CD109: variants seen among roughly 807,000 people sequenced by gnomAD.
CD109 encodes the protein CD109 molecule, also known as CD109 antigen.
A neutral mutation model predicts 165.8 loss-of-function variants in CD109; 149 were observed. The observed-to-expected ratio is 0.90, with a 90% CI of 0.79 to 1.03. The LOEUF (loss-of-function observed/expected upper bound fraction) is 1.03, where lower values mean the gene tolerates loss of function less well. Ranked by LOEUF, CD109 falls within the 50% of genes least tolerant of loss-of-function variation. The pLI, the probability that CD109 is intolerant of heterozygous loss-of-function variation, is 0.00. For synonymous variants in CD109, 585 were observed against 592.1 expected, an observed-to-expected ratio of 0.99 and a Z score of 0.18; for missense variants, 1,712 against 1,677.8, an observed-to-expected ratio of 1.02 and a Z score of -0.36.
intron 2 of CD109, among the ~76,000 whole-genome samples, chr6:73,705,506 G>A (rs1771233729): frequency 1.3e-5 from 2 of 152,104 alleles, no homozygotes; most frequent in South Asian, 4.1e-4. Context: ...GCTGGACGTG[G>A]TGACATGTGC....
intron 22 of CD109, among the ~76,000 whole-genome samples, chr6:73,791,705 A>G (rs1215019317): frequency 1.3e-5 from 2 of 152,218 alleles, no homozygotes; most frequent in East Asian, 1.9e-4. Flanking sequence ...TTGATAGTCT[A>G]TGTTCACTTT....
chr6:73,744,135 C>A (rs974133849), intron 5 of CD109, among the ~76,000 whole-genome samples: 2 of 152,182 alleles, frequency 1.3e-5, no homozygotes, highest in Admixed American at 6.5e-5. Flanking sequence ...CCATCTGCCA[C>A]CATCCATCTC....
At chr6:73,688,058 T>C in the CD109 span, among the ~76,000 whole-genome samples, 1 of 152,224 alleles carries the variant, frequency 6.6e-6, no homozygotes, top group African/African-American at 2.4e-5. Context: ...CTTCCCCAGA[T>C]AGTACTTTGC....
At chr6:73,749,566 A>G (rs373861309) in intron 5 of CD109, among the ~76,000 whole-genome samples, 87 of 152,188 alleles carry the variant, frequency 5.7e-4, no homozygotes, top group African/African-American at 2.0e-3. Context: ...TTTGTAGACA[A>G]CAGGCAGCTC....
chr6:73,814,886 A>G, intron 29 of CD109, 95 bp from the exon 30 acceptor site: 2 of 789,346 alleles, frequency 2.5e-6, no homozygotes, highest in Non-Finnish European at 3.6e-6. Context: ...TACTGGGTCC[A>G]TCCAAAGAGA....
intron 24 of CD109, among the ~76,000 whole-genome samples, chr6:73,805,464 A>C (rs1229043624): frequency 6.6e-6 from 1 of 152,200 alleles, no homozygotes; most frequent in African/African-American, 2.4e-5. Flanking sequence ...TTTTATACCG[A>C]GACATTCCAT....
chr6:73,807,430 A>G (rs1489023595), intron 25 of CD109, among the ~76,000 whole-genome samples: 1 of 152,220 alleles, frequency 6.6e-6, no homozygotes, highest in Non-Finnish European at 1.5e-5. Flanking sequence ...TAGATTGCAA[A>G]GGATTTTTTA....
chr6:73,692,717 T>C (rs1295787788), upstream of CD109, among the ~76,000 whole-genome samples: 1 of 152,182 alleles, frequency 6.6e-6, no homozygotes, highest in Non-Finnish European at 1.5e-5. Flanking sequence ...TAATTCAATT[T>C]TGGGGGTGGG....
chr6:73,760,963 C>T (rs147176771), intron 7 of CD109, among the ~76,000 whole-genome samples: 4,893 of 149,128 alleles, frequency 0.033, 282 homozygotes, highest in African/African-American at 0.11. Flanking sequence ...TGCAGTGAGC[C>T]GAGATCATGC....
chr6:73,745,081 A>G (rs1772929699), intron 5 of CD109, among the ~76,000 whole-genome samples: 1 of 152,200 alleles, frequency 6.6e-6, no homozygotes, highest in South Asian at 2.1e-4. Flanking sequence ...ATTATTTAAT[A>G]TGTGCAGCAA....
rs1166616658 is a variant in CD109, at chr6:73,766,104, T to G, written c.1282T>G (p.Phe428Val). Residue 428 changes from phenylalanine to valine, a missense_variant, in exon 11 of 33, where the codon TTT (phenylalanine) becomes GTT (valine). Transcript: ENST00000287097. ...INYTVPQSGTFKIEFPILEDS... is the reference protein window; with the variant it reads ...INYTVPQSGTVKIEFPILEDS... Reference sequence around the variant, plus strand: ...TTATACTGTCCCCCAAAGTGGAACTTTTAAGATTGAATTCCCAATCCTGGA... The same window carrying G: ...TTATACTGTCCCCCAAAGTGGAACTGTTAAGATTGAATTCCCAATCCTGGA... 2 of 1,613,966 alleles carry G rather than the reference T, an allele frequency of 1.2e-6. No homozygotes were observed. The highest frequency in any genetic ancestry group is 1.7e-6 in the Non-Finnish European group (2 of 1,179,986).
rs755302423 is a variant in CD109, at chr6:73,823,630, G to A, written c.4335G>A (p.Leu1445=). Reference sequence around the variant, plus strand: ...TTCTGTACTTTATGGAACTTTGGCTGTGATTTATTTTTAAAGGACTCTGTG... The same window carrying A: ...TTCTGTACTTTATGGAACTTTGGCTATGATTTATTTTTAAAGGACTCTGTG... ...FKLLYFMELW[L] Residue 1445 remains leucine, a synonymous_variant, in exon 33 of 33, where the codon CTG becomes CTA. Transcript: ENST00000287097. 3.1e-6 allele frequency: 5 copies of A among 1,604,998 alleles called. No individual in the cohort carries two copies. In the Admixed American group the frequency reaches 8.4e-5, roughly 27 times the overall value.
intron 7 of CD109, among the ~76,000 whole-genome samples, chr6:73,760,331 T>C (rs1032975331): frequency 1.2e-4 from 15 of 126,430 alleles, no homozygotes; most frequent in African/African-American, 2.7e-4. Context: ...GGCGTGAACC[T>C]GGGAGGCGGA....
chr6:73,771,819 G>A (rs560356073), intron 15 of CD109, among the ~76,000 whole-genome samples: 4 of 152,154 alleles, frequency 2.6e-5, no homozygotes, highest in Non-Finnish European at 5.9e-5. Flanking sequence ...AAAGTTAGAT[G>A]GGAGGAATAA....
intron 23 of CD109, 61 bp from the exon 24 acceptor site, chr6:73,803,159 G>GA (rs1775432771): frequency 8.8e-7 from 1 of 1,141,532 alleles, no homozygotes; most frequent in African/African-American, 1.5e-5. Flanking sequence ...GTCATAATTA[G>GA]AAACTTTCAT....
At chr6:73,780,552 C>A in intron 16 of CD109, 54 bp downstream of exon 16, 1 of 1,152,900 alleles carries the variant, frequency 8.7e-7, no homozygotes, top group Non-Finnish European at 1.3e-6. Context: ...CTATTGCAAA[C>A]CCTTTCAGAA....
At chr6:73,785,258 G>T in intron 19 of CD109, 106 bp from the exon 20 acceptor site, 1 of 654,650 alleles carries the variant, frequency 1.5e-6, no homozygotes. Flanking sequence ...GACATTTCTA[G>T]CTGAAGTTAA....
At chr6:73,750,957 A>G (rs1773164354) in intron 5 of CD109, among the ~76,000 whole-genome samples, 1 of 104,598 alleles carries the variant, frequency 9.6e-6, no homozygotes, top group South Asian at 2.6e-4. Context: ...ACTTTCATAT[A>G]CACAGTCTAC....
At chr6:73,711,104 C>A (rs1771521760) in intron 2 of CD109, among the ~76,000 whole-genome samples, 1 of 152,202 alleles carries the variant, frequency 6.6e-6, no homozygotes, top group Admixed American at 6.5e-5. Context: ...GGATTGCTGA[C>A]CCTGCCATTA....
Sources: allele counts gnomAD v4.1 joint callset (sites outside exome capture counted in the v4.1 genomes callset), GRCh38; gene constraint gnomAD v4.1.1; transcripts MANE v1.5; gene names NCBI Gene and HGNC (gene_info 2026-07-23, HGNC 2026-07-21).